NRG3: variants seen among roughly 807,000 people sequenced by gnomAD.
The protein encoded by NRG3 is neuregulin 3.
A neutral mutation model predicts 66.9 loss-of-function variants in NRG3; 31 were observed. That is an observed-to-expected ratio of 0.46 (90% confidence interval 0.35 to 0.63). The LOEUF (loss-of-function observed/expected upper bound fraction) is 0.63. Among genes scored for constraint, NRG3 ranks in the 20% least tolerant of loss-of-function variants. NRG3 has a pLI of 0.00. For missense variants in NRG3, 910 were observed against 878.9 expected (o/e 1.04, Z -0.45); for synonymous variants, 393 against 359.4 (o/e 1.09, Z -1.06).
At chr10:82,429,559 T>C (rs2136308674) in intron 2 of NRG3, among the ~76,000 whole-genome samples, 1 of 152,244 alleles carries the variant, frequency 6.6e-6, no homozygotes, top group Middle Eastern at 3.4e-3. Flanking sequence ...CATTCAGTCT[T>C]TGACCTTTGA....
At chr10:82,806,982 A>G (rs1565336428) in intron 3 of NRG3, among the ~76,000 whole-genome samples, 2 of 152,174 alleles carry the variant, frequency 1.3e-5, no homozygotes, top group African/African-American at 4.8e-5. Flanking sequence ...TTTTATTTCA[A>G]CTGTTTCCTG....
intron 1 of NRG3, among the ~76,000 whole-genome samples, chr10:82,296,559 G>A (rs976653160): frequency 7.9e-5 from 12 of 151,964 alleles, no homozygotes; most frequent in South Asian, 2.1e-4. Context: ...CATGTTTATG[G>A]GGAATATGTC....
intron 2 of NRG3, among the ~76,000 whole-genome samples, chr10:82,716,128 G>A (rs552305514): frequency 1.3e-5 from 2 of 152,132 alleles, no homozygotes; most frequent in Non-Finnish European, 1.5e-5. Flanking sequence ...ATATAAATGC[G>A]ATTCTGTAGA....
chr10:82,617,021 T>TG (rs1298793466), intron 2 of NRG3, among the ~76,000 whole-genome samples: 1 of 152,178 alleles, frequency 6.6e-6, no homozygotes, highest in Non-Finnish European at 1.5e-5. Context: ...GCATACGTAT[T>TG]GGGGGATTGG....
intron 1 of NRG3, among the ~76,000 whole-genome samples, chr10:81,966,490 TG>T (rs2059735788): frequency 6.6e-6 from 1 of 152,084 alleles, no homozygotes; most frequent in Non-Finnish European, 1.5e-5. Flanking sequence ...TTATATTTTT[TG>T]TAGAAATGGG....
chr10:82,678,926 A>G (rs1361036688), intron 2 of NRG3, among the ~76,000 whole-genome samples: 1 of 152,146 alleles, frequency 6.6e-6, no homozygotes, highest in African/African-American at 2.4e-5. Context: ...GTAATGATGG[A>G]CTCACAAATA....
At chr10:82,441,481 T>G (rs567334335) in intron 2 of NRG3, among the ~76,000 whole-genome samples, 1 of 152,314 alleles carries the variant, frequency 6.6e-6, no homozygotes, top group African/African-American at 2.4e-5. Flanking sequence ...GATAGTCACT[T>G]TCATTCGGAA....
At chr10:82,567,098 G>GCTCT (rs1484732272) in intron 2 of NRG3, among the ~76,000 whole-genome samples, 1 of 151,974 alleles carries the variant, frequency 6.6e-6, no homozygotes, top group Non-Finnish European at 1.5e-5. Flanking sequence ...GAAGGGCAGA[G>GCTCT]AGAGACAAAG....
At chr10:82,391,993 C>CAA (rs775895969) in intron 2 of NRG3, among the ~76,000 whole-genome samples, 730 of 38,518 alleles carry the variant, frequency 0.019, 49 homozygotes, top group African/African-American at 0.044. Context: ...CGAGCACATG[C>CAA]AAAAAAAAAA....
At chr10:81,936,138 A>G (rs1021511076) in intron 1 of NRG3, among the ~76,000 whole-genome samples, 2 of 152,204 alleles carry the variant, frequency 1.3e-5, no homozygotes, top group Non-Finnish European at 2.9e-5. Flanking sequence ...CAGTGGAGAA[A>G]GTGAATAATT....
intron 2 of NRG3, among the ~76,000 whole-genome samples, chr10:82,482,766 C>T (rs1842380777): frequency 6.6e-6 from 1 of 152,112 alleles, no homozygotes; most frequent in Non-Finnish European, 1.5e-5. Flanking sequence ...TCTACTTAGG[C>T]AATGAGGTTT....
chr10:82,607,562 C>T (rs1022153153), intron 2 of NRG3, among the ~76,000 whole-genome samples: 5 of 152,028 alleles, frequency 3.3e-5, no homozygotes, highest in Non-Finnish European at 7.4e-5. Flanking sequence ...ATGTATCAAA[C>T]CTTTGATATT....
At chr10:81,899,259 T>C (rs1361557635) in intron 1 of NRG3, among the ~76,000 whole-genome samples, 1 of 152,214 alleles carries the variant, frequency 6.6e-6, no homozygotes, top group African/African-American at 2.4e-5. Context: ...TGTTACAATT[T>C]CTTTAGTATT....
At chr10:81,966,029 T>C (rs116880127) in intron 1 of NRG3, among the ~76,000 whole-genome samples, 5,034 of 152,102 alleles carry the variant, frequency 0.033, 108 homozygotes, top group Non-Finnish European at 0.048. Context: ...ACCTTGGTGA[T>C]GGATAACTTT....
At chr10:82,031,947 C>T (rs72825404) in intron 1 of NRG3, among the ~76,000 whole-genome samples, 2,928 of 152,112 alleles carry the variant, frequency 0.019, 46 homozygotes, top group Non-Finnish European at 0.027. Flanking sequence ...ACCTCCAAGC[C>T]ACCCCTTCAC....
chr10:82,824,333 T>C (rs1416827569), intron 3 of NRG3, among the ~76,000 whole-genome samples: 1 of 152,222 alleles, frequency 6.6e-6, no homozygotes, highest in African/African-American at 2.4e-5. Context: ...TGAATATTCA[T>C]GTGCAAGTTT....
At chr10:82,725,824 G>C (rs575562711) in intron 2 of NRG3, among the ~76,000 whole-genome samples, 2 of 152,080 alleles carry the variant, frequency 1.3e-5, no homozygotes, top group Non-Finnish European at 2.9e-5. Flanking sequence ...TAGAATTCAC[G>C]TTCTAGTCTT....
At chr10:82,855,434 G>T (rs1398327035) in intron 3 of NRG3, among the ~76,000 whole-genome samples, 1 of 151,800 alleles carries the variant, frequency 6.6e-6, no homozygotes, top group East Asian at 1.9e-4. Flanking sequence ...GTGTCACTCT[G>T]TTGCCCAGGC....
chr10:81,877,896 GAA>G, intron 1 of NRG3: 2 of 1,534,840 alleles, frequency 1.3e-6, no homozygotes, highest in South Asian at 1.2e-5. Context: ...TCAATGGATT[GAA>G]AATGAGTCTA....
Sources: gnomAD v4.1 joint callset for allele counts (sites outside exome capture counted in the v4.1 genomes callset) on GRCh38, gnomAD v4.1.1 for gene constraint, MANE v1.5 for transcripts, NCBI Gene and HGNC (gene_info 2026-07-23, HGNC 2026-07-21) for gene names.